Variants in FAM184B observed in about 807,000 individuals in gnomAD.
FAM184B encodes protein FAM184B.
In FAM184B, 111 loss-of-function variants were observed where a neutral mutation model predicts 135.9. The observed-to-expected ratio is 0.82, with a 90% confidence interval of 0.70 to 0.96. The LOEUF (loss-of-function observed/expected upper bound fraction) is 0.96, where lower values mean the gene tolerates loss of function less well. Ranked by LOEUF, FAM184B falls within the 40% of genes least tolerant of loss-of-function variation. The pLI is 0.00. For missense variants in FAM184B, 1,375 were observed against 1,323.9 expected (o/e 1.04, Z -0.60); for synonymous variants, 552 against 524.8 (o/e 1.05, Z -0.71).
In FAM184B at chr4:17,642,167, T is replaced by C. The variant is rs1715342268; in HGVS notation, c.2408A>G (p.Glu803Gly). Residue 803 changes from glutamate (E) to glycine (G), a missense_variant, in exon 13 of 18, where the codon GAG becomes GGG. Coordinates refer to ENST00000265018, the MANE Select transcript of FAM184B (RefSeq NM_015688.2). ...PPGAAGQGSG[E>G]GCGLWEENAQ... Reference sequence around the variant, plus strand: ...GTTCTCCTCCCAGAGCCCGCATCCCTCGCCGGAACCCTGCCCAGCAGCGCC... The same window carrying C: ...GTTCTCCTCCCAGAGCCCGCATCCCCCGCCGGAACCCTGCCCAGCAGCGCC... 2 of 1,532,704 alleles carry C rather than the reference T, an allele frequency of 1.3e-6. No homozygotes were observed. The highest frequency in any genetic ancestry group is 2.5e-5 in the East Asian group (1 of 40,662). 94.9% of individuals were successfully genotyped at this position (1,532,704 alleles called of 1,614,324 possible).
chr4:17,742,168 A>ATATATATATATTTT (rs1459958150), intron 1 of FAM184B, among the ~76,000 whole-genome samples: 2 of 109,306 alleles, frequency 1.8e-5, no homozygotes, highest in African/African-American at 9.6e-5. Context: ...ATATATATAT[A>ATATATATATATTTT]TTTTTTTTTT....
chr4:17,736,485 G>A (rs1461990018), intron 1 of FAM184B, among the ~76,000 whole-genome samples: 3 of 152,158 alleles, frequency 2.0e-5, no homozygotes, highest in African/African-American at 7.2e-5. Flanking sequence ...AGGTGGAAAT[G>A]TCTGCTTCTC....
At chr4:17,642,014 G>A (rs1715332600) in intron 13 of FAM184B, 42 bp downstream of exon 13, 1 of 1,497,454 alleles carries the variant, frequency 6.7e-7, no homozygotes, top group African/African-American at 1.4e-5. Context: ...GCGGGGTAGG[G>A]GGTGAGGGTG....
At chr4:17,701,733 G>T (rs776084559) in intron 5 of FAM184B, among the ~76,000 whole-genome samples, 9 of 152,332 alleles carry the variant, frequency 5.9e-5, no homozygotes, top group Admixed American at 1.3e-4. Flanking sequence ...AGGGCCAGCT[G>T]TTCTAGAGCT....
chr4:17,747,448 G>A (rs1025298970), intron 1 of FAM184B, among the ~76,000 whole-genome samples: 6 of 152,124 alleles, frequency 3.9e-5, no homozygotes, highest in Non-Finnish European at 8.8e-5. Context: ...TGGTACTTCC[G>A]AAGTCTGGAG....
At position 17,629,451 on chromosome 4, in the gene FAM184B, G is replaced by A. The variant is rs1394113249; in HGVS notation, c.*3081C>T. 6.6e-6 allele frequency: 1 copy of A among 152,230 alleles called. No homozygotes were observed. Among genetic ancestry groups the A allele is most frequent in the Non-Finnish European group, 1.5e-5 (1 of 68,056 alleles). The allele number at this position is 152,230 out of a possible 1,614,324, so 9.4% of individuals were successfully genotyped here. A position where few individuals can be genotyped will look rare whatever the true frequency, so the allele number is the denominator to read the frequency against. The stretch of plus-strand genomic sequence containing the variant: ...GGTTGGATATTACATCAGTGTTAGA[G>A]CAGTTAAGGGCTCAGGTATGTGGTG... On this transcript the variant is annotated 3_prime_UTR_variant, in exon 18 of 18. Transcript: ENST00000265018.
intron 12 of FAM184B, among the ~76,000 whole-genome samples, chr4:17,644,790 A>T (rs1235108348): frequency 6.6e-6 from 1 of 152,214 alleles, no homozygotes; most frequent in African/African-American, 2.4e-5. Flanking sequence ...GAGGAAGTCA[A>T]ATTGTCCCTG....
Position 17,646,613 on chromosome 4 carries a change from G to A in FAM184B, c.2346+1024C>T, listed in dbSNP as rs1245348291. 3.3e-5 allele frequency among the ~76,000 whole-genome samples: 5 copies of A among 152,214 alleles called. No individual in the cohort carries two copies. The East Asian group carries it at 9.7e-4, about 29-fold the overall frequency. On this transcript the variant is annotated intron_variant, in intron 12 of 17. Coordinates refer to ENST00000265018, the MANE Select transcript of FAM184B (RefSeq NM_015688.2). The stretch of plus-strand genomic sequence containing the variant: ...GGGTAGTGGGGAGGGATAGCATTAG[G>A]AGATATACCTAATGTAAATGACGAG...
Position 17,708,988 on chromosome 4 carries a change from C to T in FAM184B, c.798G>A (p.Gln266=). ...KNFQVQESAL[Q]AQVRKLEGDL... ...CTCCTTCCAGCTTCCGGACCTGAGC[C>T]TGCAGGGCTGACTCCTGGACCTGGA... Residue 266 remains glutamine, a synonymous_variant, in exon 2 of 18, where the codon CAG becomes CAA. Transcript: ENST00000265018. 6.4e-7 allele frequency: 1 copy of T among 1,550,802 alleles called. No homozygotes were observed.
At position 17,658,402 on chromosome 4, in the gene FAM184B, G is replaced by A; in HGVS notation, c.1985C>T (p.Ser662Phe). 1 of 1,551,644 alleles carries A rather than the reference G, an allele frequency of 6.4e-7. No individual in the cohort carries two copies. Among genetic ancestry groups the A allele is most frequent in the Non-Finnish European group, 8.7e-7 (1 of 1,147,004 alleles). ...NHAMKAQLEA[S>F]HQRALRMLEK... The stretch of plus-strand genomic sequence containing the variant: ...CAGCATGCGCAGGGCTCTCTGGTGG[G>A]AAGCCTCGAGCTGGGCTTTCATGGC... The change falls in exon 10 of 18, where the codon TCC (serine) becomes TTC (phenylalanine). Residue 662 changes from serine (S) to phenylalanine (F), a missense_variant. Ser to Phe is a radical substitution (Grantham distance 155, BLOSUM62 -2). Transcript: ENST00000265018.
At chr4:17,695,067 C>T (rs1216142285) in intron 5 of FAM184B, among the ~76,000 whole-genome samples, 1 of 152,112 alleles carries the variant, frequency 6.6e-6, no homozygotes, top group Non-Finnish European at 1.5e-5. Context: ...TGAGGAGCAC[C>T]ATCTGAGGCC....
At chr4:17,759,741 C>G (rs191746757) in intron 1 of FAM184B, among the ~76,000 whole-genome samples, 22 of 152,222 alleles carry the variant, frequency 1.4e-4, no homozygotes, top group Middle Eastern at 3.4e-3. Context: ...GGTGATCCAC[C>G]CACCTCAGCC....
chr4:17,768,421 C>T (rs1421462672), intron 1 of FAM184B, among the ~76,000 whole-genome samples: 1 of 149,386 alleles, frequency 6.7e-6, no homozygotes, highest in Non-Finnish European at 1.5e-5. Context: ...ACTACAGGCA[C>T]ACCCCGCCAC....
intron 3 of FAM184B, among the ~76,000 whole-genome samples, chr4:17,707,081 C>T (rs914188899): frequency 1.3e-5 from 2 of 152,024 alleles, no homozygotes; most frequent in African/African-American, 4.8e-5. Flanking sequence ...AGCCACCATG[C>T]CTGGCCTGTA....
At chr4:17,756,857 G>A (rs1395503281) in intron 1 of FAM184B, among the ~76,000 whole-genome samples, 1 of 152,178 alleles carries the variant, frequency 6.6e-6, no homozygotes, top group African/African-American at 2.4e-5. Context: ...CTGGGAGGTG[G>A]AGGTTGCAGT....
intron 1 of FAM184B, among the ~76,000 whole-genome samples, chr4:17,767,552 G>A (rs953975239): frequency 3.3e-5 from 5 of 152,182 alleles, no homozygotes; most frequent in African/African-American, 4.8e-5. Context: ...ATTGTTTTAC[G>A]TGTGTTTTAG....
chr4:17,702,411 G>C (rs1476003286), intron 5 of FAM184B, among the ~76,000 whole-genome samples: 1 of 152,114 alleles, frequency 6.6e-6, no homozygotes, highest in South Asian at 2.1e-4. Flanking sequence ...CTAATCTGGG[G>C]TCAAGGAAGG....
chr4:17,688,426 G>A lies in FAM184B; in HGVS notation c.1594C>T (p.Gln532Ter). The A allele has an allele frequency of 6.5e-7, 1 of 1,546,158 alleles. No individual in the cohort carries two copies. Among genetic ancestry groups the A allele is most frequent in the Non-Finnish European group, 8.7e-7 (1 of 1,144,162 alleles). Residue 532 changes from glutamine to a stop codon, truncating the protein, a stop_gained and splice_region_variant, in exon 7 of 18, where the codon CAG (glutamine) becomes TAG (stop). Coordinates refer to ENST00000265018, the MANE Select transcript of FAM184B (RefSeq NM_015688.2). LOFTEE classifies it high-confidence loss of function. ...GRQHCSILET[Q>*]DPCLKLDETS... is the part of the protein sequence containing the mutation. Reference sequence around the variant, plus strand: ...AATCTGACAAAGCTGGAGGTTACCTGGGTCTCCAGAATGCTGCAGTGCTGG... The same window carrying A: ...AATCTGACAAAGCTGGAGGTTACCTAGGTCTCCAGAATGCTGCAGTGCTGG...
chr4:17,704,876 T>C (rs1717071045), intron 5 of FAM184B, 124 bp downstream of exon 5: 5 of 803,796 alleles, frequency 6.2e-6, no homozygotes, highest in Non-Finnish European at 9.9e-6. Context: ...AGAATAAGCT[T>C]ACATTTGTAC....
Sources: allele counts gnomAD v4.1 joint callset (sites outside exome capture counted in the v4.1 genomes callset), GRCh38; gene constraint gnomAD v4.1.1; transcripts MANE v1.5; gene names NCBI Gene and HGNC (gene_info 2026-07-23, HGNC 2026-07-21).